The following HAO1 variants were observed in gnomAD, a reference collection of about 807,000 sequenced individuals.
The protein encoded by HAO1 is 2-Hydroxyacid oxidase 1.
HAO1 carries 34 observed loss-of-function variants against 39.7 expected under a neutral mutation model. The ratio of observed to expected loss-of-function variants is 0.86; its 90% CI spans 0.65 to 1.14. The LOEUF is 1.14. Among genes scored for constraint, HAO1 ranks in the 50% most tolerant of loss-of-function variants. HAO1 has a pLI of 0.00. For missense variants in HAO1, 479 were observed against 464.5 expected (o/e 1.03, Z -0.29); for synonymous variants, 172 against 173.2 (o/e 0.99, Z 0.05).
rs542896149 is a variant in HAO1, at chr20:7,886,661, A to G, written c.814-797T>C. Reference sequence around the variant, plus strand: ...ATATTAAAGAACACTCTGTGAAAACATTTTTCTTGTTTTTAAGGAATATGA... The same window carrying G: ...ATATTAAAGAACACTCTGTGAAAACGTTTTTCTTGTTTTTAAGGAATATGA... On this transcript the variant is annotated intron_variant, in intron 5 of 7. Transcript: ENST00000378789. Among the ~76,000 whole-genome samples the G allele has an allele frequency of 3.3e-5, 5 of 152,138 alleles. No individual in the cohort carries two copies. In the South Asian group the frequency reaches 6.2e-4, roughly 19 times the overall value.
intron 3 of HAO1, among the ~76,000 whole-genome samples, chr20:7,912,667 G>A (rs1317531164): frequency 1.3e-5 from 2 of 151,950 alleles, no homozygotes; most frequent in African/African-American, 2.4e-5. Context: ...GCTTTCTGAC[G>A]AATTTGGCAA....
chr20:7,923,216 T>A (rs1223264667), intron 2 of HAO1, among the ~76,000 whole-genome samples: 1 of 152,128 alleles, frequency 6.6e-6, no homozygotes, highest in African/African-American at 2.4e-5. Flanking sequence ...CAAAGTACAG[T>A]GATTTAAATG....
At position 7,896,314 on chromosome 20, in the gene HAO1, A is replaced by C. The variant is rs181798847; in HGVS notation, c.722-1090T>G. 2.4e-4 allele frequency among the ~76,000 whole-genome samples: 37 copies of C among 152,312 alleles called. No individual in the cohort carries two copies. In the East Asian group the frequency reaches 4.1e-3, roughly 17 times the overall value. On this transcript the variant is annotated intron_variant, in intron 4 of 7. Coordinates refer to ENST00000378789, the MANE Select transcript of HAO1 (RefSeq NM_017545.3). The stretch of plus-strand genomic sequence containing the variant: ...ACATTCAAAATGCAATACTAAGCAA[A>C]ACCAACTGGTTCAAGAGCGTAGCAA...
chr20:7,933,028 T>C (rs953240688), intron 2 of HAO1, among the ~76,000 whole-genome samples: 9 of 152,196 alleles, frequency 5.9e-5, no homozygotes, highest in Non-Finnish European at 1.5e-5. Context: ...AAATTCGATA[T>C]ACGGAAAATA....
At chr20:7,906,461 G>A (rs1423970218) in intron 3 of HAO1, 132 bp from the exon 4 acceptor site, 8 of 622,266 alleles carry the variant, frequency 1.3e-5, no homozygotes, top group Non-Finnish European at 2.3e-5. Context: ...TAAGTCAATT[G>A]CACACATATT....
intron 1 of HAO1, among the ~76,000 whole-genome samples, chr20:7,939,126 T>C (rs1380343232): frequency 6.6e-6 from 1 of 152,102 alleles, no homozygotes; most frequent in African/African-American, 2.4e-5. Flanking sequence ...TCCAAAATAG[T>C]AAATAATGAT....
intron 2 of HAO1, among the ~76,000 whole-genome samples, chr20:7,915,753 A>G (rs1178665213): frequency 6.6e-6 from 1 of 152,194 alleles, no homozygotes; most frequent in Admixed American, 6.5e-5. Context: ...TGTTTATGAT[A>G]TATAGATATA....
At chr20:7,902,519 A>G (rs1229595876) in intron 4 of HAO1, among the ~76,000 whole-genome samples, 1 of 152,222 alleles carries the variant, frequency 6.6e-6, no homozygotes, top group Non-Finnish European at 1.5e-5. Flanking sequence ...AATAGACTAC[A>G]GTATAGCAAA....
chr20:7,885,122 C>G (rs2050144795), intron 7 of HAO1, among the ~76,000 whole-genome samples: 2 of 152,122 alleles, frequency 1.3e-5, no homozygotes, highest in South Asian at 4.1e-4. Context: ...GATGGAGAAA[C>G]TGCAGGTGGA....
At chr20:7,899,372 G>T (rs1320536826) in intron 4 of HAO1, among the ~76,000 whole-genome samples, 2 of 152,088 alleles carry the variant, frequency 1.3e-5, no homozygotes, top group Non-Finnish European at 2.9e-5. Flanking sequence ...TCCTCTGATG[G>T]TGCAGGGAAT....
chr20:7,924,194 G>GTGTTTTTGTTGTTGTTGT (rs78746511), intron 2 of HAO1, among the ~76,000 whole-genome samples: 44 of 148,724 alleles, frequency 3.0e-4, no homozygotes, highest in African/African-American at 1.0e-3. Flanking sequence ...AGTTTGGGTT[G>GTGTTTTTGTTGTTGTTGT]TGTTGTTGTT....
intron 2 of HAO1, among the ~76,000 whole-genome samples, chr20:7,918,028 A>G (rs1271159889): frequency 6.6e-6 from 1 of 152,216 alleles, no homozygotes; most frequent in Non-Finnish European, 1.5e-5. Context: ...TTATTTTCCA[A>G]TAAGTAAATC....
rs2050434156 is a variant in HAO1 at position 7,940,172 on chromosome 20, A to G, written c.137+114T>C. 7.1e-6 allele frequency: 6 copies of G among 846,364 alleles called. No individual in the cohort carries two copies. In the East Asian group the frequency reaches 1.7e-4, roughly 23 times the overall value. 52.4% of individuals were successfully genotyped at this position (846,364 alleles called of 1,614,324 possible). A position where few individuals can be genotyped will look rare whatever the true frequency, so the allele number is the denominator to read the frequency against. On this transcript the variant is annotated intron_variant, in intron 1 of 7. Coordinates refer to ENST00000378789, the MANE Select transcript of HAO1 (RefSeq NM_017545.3). ...CCCCAAGAACTTTTCCCTCTCTACTAAGCACAAATCTGAACAAATAATTAC... is the reference window on the plus strand; with the variant it reads ...CCCCAAGAACTTTTCCCTCTCTACTGAGCACAAATCTGAACAAATAATTAC...
chr20:7,899,899 C>T (rs919482464), intron 4 of HAO1, among the ~76,000 whole-genome samples: 1 of 152,130 alleles, frequency 6.6e-6, no homozygotes, highest in Non-Finnish European at 1.5e-5. Flanking sequence ...TTGATAGACA[C>T]AGTCGTCAAT....
chr20:7,932,110 T>C (rs2050388408), intron 2 of HAO1, among the ~76,000 whole-genome samples: 1 of 152,164 alleles, frequency 6.6e-6, no homozygotes, highest in Non-Finnish European at 1.5e-5. Flanking sequence ...GATGGTTTTA[T>C]AAGTATCTGG....
chr20:7,892,290 G>A (rs765595318), intron 5 of HAO1, among the ~76,000 whole-genome samples: 5 of 151,930 alleles, frequency 3.3e-5, no homozygotes, highest in Admixed American at 1.3e-4. Context: ...TTCACACATC[G>A]GCCAGGCTGC....
intron 3 of HAO1, among the ~76,000 whole-genome samples, chr20:7,908,830 T>G (rs1228572930): frequency 6.6e-6 from 1 of 152,192 alleles, no homozygotes; most frequent in Non-Finnish European, 1.5e-5. Context: ...ATGGTCACCC[T>G]AATTTGAATA....
intron 7 of HAO1, 84 bp from the exon 8 acceptor site, chr20:7,883,747 T>C (rs1009895934): frequency 2.6e-6 from 3 of 1,141,012 alleles, no homozygotes; most frequent in Non-Finnish European, 4.0e-6. Context: ...AATGTAAAAT[T>C]TGACAAATGT....
Position 7,906,258 on chromosome 20 carries a change from G to GC in HAO1, c.616dup (p.Ala206GlyfsTer6), listed in dbSNP as rs1342357153. On this transcript the variant is annotated frameshift_variant, in exon 4 of 8. Transcript: ENST00000378789. LOFTEE classifies it high-confidence loss of function. ...GTCTATTGCTTTAGCCACATATGCA[G>GC]CAAGTCCACTGTCGTCTCCAAAATT... The GC allele has an allele frequency of 2.5e-6, 4 of 1,611,530 alleles. No homozygotes were observed. The highest frequency in any genetic ancestry group is 3.4e-6 in the Non-Finnish European group (4 of 1,177,730).
Sources: allele counts gnomAD v4.1 joint callset (sites outside exome capture counted in the v4.1 genomes callset), GRCh38; gene constraint gnomAD v4.1.1; transcripts MANE v1.5; gene names NCBI Gene and HGNC (gene_info 2026-07-23, HGNC 2026-07-21).